The following EXOC6B variants were observed in gnomAD, a reference collection of about 807,000 sequenced individuals.
EXOC6B encodes the protein SEC15 homolog B.
In EXOC6B, 54 loss-of-function variants were observed where a neutral mutation model predicts 113.5. The ratio of observed to expected loss-of-function variants is 0.48; its 90% CI spans 0.38 to 0.60. The LOEUF (loss-of-function observed/expected upper bound fraction) is 0.60. Among genes scored for constraint, EXOC6B ranks in the 20% least tolerant of loss-of-function variants. The pLI is 0.00. For missense variants in EXOC6B, 797 were observed against 977.5 expected, an observed-to-expected ratio of 0.82 and a Z score of 2.46; for synonymous variants, 357 against 339.0, an observed-to-expected ratio of 1.05 and a Z score of -0.58.
chr2:72,214,383 C>T (rs765579381), intron 20 of EXOC6B, among the ~76,000 whole-genome samples: 23 of 150,682 alleles, frequency 1.5e-4, no homozygotes, highest in Middle Eastern at 6.9e-3. Context: ...CCCAGCTACT[C>T]GGGAGGCTGA....
intron 6 of EXOC6B, among the ~76,000 whole-genome samples, chr2:72,707,563 G>C (rs1235761363): frequency 6.6e-6 from 1 of 151,734 alleles, no homozygotes; most frequent in Non-Finnish European, 1.5e-5. Context: ...ACAGGTGCCA[G>C]CCATCACGCC....
intron 20 of EXOC6B, among the ~76,000 whole-genome samples, chr2:72,276,452 C>T (rs1397209235): frequency 6.6e-6 from 1 of 152,100 alleles, no homozygotes; most frequent in East Asian, 1.9e-4. Context: ...CAGTTAACAT[C>T]AATGAGAGGA....
At chr2:72,778,215 C>T (rs888454088) in intron 1 of EXOC6B, among the ~76,000 whole-genome samples, 1 of 152,110 alleles carries the variant, frequency 6.6e-6, no homozygotes, top group Non-Finnish European at 1.5e-5. Context: ...ATAGTAACAA[C>T]ATGATCCAAC....
At chr2:72,213,352 G>C (rs971397539) in intron 20 of EXOC6B, among the ~76,000 whole-genome samples, 3 of 152,222 alleles carry the variant, frequency 2.0e-5, no homozygotes, top group Non-Finnish European at 4.4e-5. Flanking sequence ...GTTACTTAAA[G>C]TCACTAAGTT....
chr2:72,582,934 G>T (rs563919611), intron 6 of EXOC6B, among the ~76,000 whole-genome samples: 235 of 152,078 alleles, frequency 1.5e-3, no homozygotes, highest in African/African-American at 5.0e-3. Context: ...TCTAAGAAAA[G>T]GTTGAAAATC....
Position 72,482,086 on chromosome 2 carries a change from C to T in EXOC6B, c.1666-1336G>A, listed in dbSNP as rs140362497. 1.1e-4 allele frequency among the ~76,000 whole-genome samples: 17 copies of T among 152,276 alleles called. No homozygotes were observed. In the East Asian group the frequency reaches 2.9e-3, roughly 26 times the overall value. ...ACGTCCTGTACCTTCCAATTATGGA[C>T]TCATCTAAATAACTCTGCCAGTGCC... is the stretch of plus-strand genomic sequence containing the variant. On this transcript the variant is annotated intron_variant, in intron 16 of 21. Transcript: ENST00000272427.
At chr2:72,717,258 G>A (rs1035236320) in intron 6 of EXOC6B, among the ~76,000 whole-genome samples, 5 of 152,002 alleles carry the variant, frequency 3.3e-5, no homozygotes, top group Non-Finnish European at 7.4e-5. Context: ...AAGGCTAGTC[G>A]AGACCTAAAA....
At chr2:72,355,730 G>A (rs879003357) in intron 19 of EXOC6B, among the ~76,000 whole-genome samples, 1 of 152,164 alleles carries the variant, frequency 6.6e-6, no homozygotes, top group Admixed American at 6.5e-5. Flanking sequence ...AGAAGGATGA[G>A]GCTAAGGATA....
At chr2:72,399,639 C>T (rs1693009505) in intron 18 of EXOC6B, among the ~76,000 whole-genome samples, 2 of 152,112 alleles carry the variant, frequency 1.3e-5, no homozygotes. Flanking sequence ...CATTTCCATA[C>T]ACCAATAATA....
intron 8 of EXOC6B, among the ~76,000 whole-genome samples, chr2:72,540,135 T>C (rs2105786474): frequency 6.6e-6 from 1 of 152,176 alleles, no homozygotes; most frequent in Non-Finnish European, 1.5e-5. Flanking sequence ...TCATCATTTT[T>C]TATGGCTGCA....
intron 11 of EXOC6B, among the ~76,000 whole-genome samples, chr2:72,505,784 T>C (rs1432904090): frequency 1.3e-5 from 2 of 152,178 alleles, no homozygotes; most frequent in African/African-American, 2.4e-5. Flanking sequence ...TTTGGAGGAC[T>C]GCTTTTATTA....
intron 2 of EXOC6B, among the ~76,000 whole-genome samples, chr2:72,734,565 T>C (rs1313334829): frequency 6.6e-6 from 1 of 152,176 alleles, no homozygotes; most frequent in African/African-American, 2.4e-5. Flanking sequence ...GTAGCAGGAA[T>C]GCAGCCATAA....
At chr2:72,412,540 C>T (rs1228929721) in intron 18 of EXOC6B, among the ~76,000 whole-genome samples, 1 of 152,128 alleles carries the variant, frequency 6.6e-6, no homozygotes, top group Non-Finnish European at 1.5e-5. Context: ...TGTCTGGAAC[C>T]TAACACAAAC....
At chr2:72,359,965 T>A (rs1690205595) in intron 19 of EXOC6B, among the ~76,000 whole-genome samples, 1 of 152,148 alleles carries the variant, frequency 6.6e-6, no homozygotes, top group South Asian at 2.1e-4. Context: ...CCCTTCTCTA[T>A]CTACCATGAG....
chr2:72,582,486 T>C (rs995877743), intron 6 of EXOC6B, among the ~76,000 whole-genome samples: 11 of 152,072 alleles, frequency 7.2e-5, no homozygotes, highest in African/African-American at 2.7e-4. Flanking sequence ...CACTACACTC[T>C]AGCCTGGGTG....
intron 6 of EXOC6B, among the ~76,000 whole-genome samples, chr2:72,647,691 A>G (rs1189029990): frequency 6.6e-6 from 1 of 152,206 alleles, no homozygotes; most frequent in Admixed American, 6.5e-5. Context: ...ACGATTCCCT[A>G]TTTAATAAAT....
At chr2:72,307,618 C>A (rs1014145639) in intron 20 of EXOC6B, among the ~76,000 whole-genome samples, 1 of 152,154 alleles carries the variant, frequency 6.6e-6, no homozygotes, top group Non-Finnish European at 1.5e-5. Flanking sequence ...TCTCACTACC[C>A]AGTTCAGTTT....
chr2:72,293,254 T>TC, intron 20 of EXOC6B, among the ~76,000 whole-genome samples: 1 of 152,018 alleles, frequency 6.6e-6, no homozygotes, highest in Non-Finnish European at 1.5e-5. Flanking sequence ...CCTAAATGAG[T>TC]CCTAGGGACT....
chr2:72,653,341 G>A (rs1674333286), intron 6 of EXOC6B, among the ~76,000 whole-genome samples: 1 of 139,236 alleles, frequency 7.2e-6, no homozygotes, highest in Admixed American at 7.6e-5. Context: ...TCACTCATAG[G>A]TGGGAATTGA....
Sources: allele counts gnomAD v4.1 joint callset (sites outside exome capture counted in the v4.1 genomes callset), GRCh38; gene constraint gnomAD v4.1.1; transcripts MANE v1.5; gene names NCBI Gene and HGNC (gene_info 2026-07-23, HGNC 2026-07-21).